RHBDD1: variants seen among roughly 807,000 people sequenced by gnomAD.
RHBDD1 encodes the protein rhomboid domain containing 1.
Under a neutral mutation model 36.3 loss-of-function variants are expected in RHBDD1, and 38 were observed. The ratio of observed to expected loss-of-function variants is 1.05; its 90% CI spans 0.81 to 1.37. The LOEUF (loss-of-function observed/expected upper bound fraction) is 1.37, where lower values mean the gene tolerates loss of function less well. Ranked by LOEUF, RHBDD1 falls within the 40% of genes most tolerant of loss-of-function variation. RHBDD1 has a pLI of 0.00. For missense variants in RHBDD1, 393 were observed against 377.6 expected, an observed-to-expected ratio of 1.04 and a Z score of -0.34; for synonymous variants, 151 against 136.5, an observed-to-expected ratio of 1.11 and a Z score of -0.74.
intron 3 of RHBDD1, among the ~76,000 whole-genome samples, chr2:226,861,022 T>C (rs1336678776): frequency 6.6e-6 from 1 of 152,170 alleles, no homozygotes; most frequent in Non-Finnish European, 1.5e-5. Flanking sequence ...TTGATACATG[T>C]TTATTAAATA....
intron 8 of RHBDD1, among the ~76,000 whole-genome samples, chr2:226,952,671 A>AAG (rs1951509532): frequency 6.6e-6 from 1 of 152,192 alleles, no homozygotes; most frequent in Non-Finnish European, 1.5e-5. Flanking sequence ...TAATTTTAAA[A>AAG]ATATATAGAA....
chr2:226,927,755 G>A (rs1463795039), intron 8 of RHBDD1, among the ~76,000 whole-genome samples: 2 of 151,902 alleles, frequency 1.3e-5, no homozygotes, highest in East Asian at 3.9e-4. Context: ...TATCTTCTTT[G>A]CTGAAGTTTC....
intron 5 of RHBDD1, among the ~76,000 whole-genome samples, chr2:226,884,951 A>T (rs1946087685): frequency 6.6e-6 from 1 of 152,200 alleles, no homozygotes; most frequent in Non-Finnish European, 1.5e-5. Flanking sequence ...AATGAGAAAA[A>T]AATGAATTAC....
rs1944163509 is a variant in RHBDD1 at position 226,864,619 on chromosome 2, T to TAA, written c.-74_-73insAA. On this transcript the variant is annotated 5_prime_UTR_variant, in exon 4 of 9. It introduces an in-frame stop codon into an upstream open reading frame of the 5' UTR. Coordinates refer to ENST00000392062, the MANE Select transcript of RHBDD1 (RefSeq NM_001167608.3). ...TGTGTTTTAGGTTCAGCCGTCTGTA[T>TAA]ATCTCCCCAGATACCTGAAACTGAC... 7 of 1,205,804 alleles carry TAA rather than the reference T, an allele frequency of 5.8e-6. No individual in the cohort carries two copies. Among genetic ancestry groups the TAA allele is most frequent in the Non-Finnish European group, 8.4e-6 (7 of 837,210 alleles). The allele number at this position is 1,205,804 out of a possible 1,614,324, so 74.7% of individuals were successfully genotyped here.
chr2:226,862,142 C>T (rs1341088658), intron 3 of RHBDD1, among the ~76,000 whole-genome samples: 2 of 152,082 alleles, frequency 1.3e-5, no homozygotes, highest in Non-Finnish European at 2.9e-5. Context: ...AGGATGTTAC[C>T]ATTTGCAAAG....
chr2:226,914,165 C>T, intron 7 of RHBDD1, 43 bp from the exon 8 acceptor site: 1 of 1,582,910 alleles, frequency 6.3e-7, no homozygotes, highest in East Asian at 2.2e-5. Context: ...TATAAAACAA[C>T]AGTCCATAGC....
chr2:226,811,394 C>T, the RHBDD1 span, among the ~76,000 whole-genome samples: 8 of 152,186 alleles, frequency 5.3e-5, no homozygotes, highest in African/African-American at 1.7e-4. Context: ...CTCCGCGTCC[C>T]GGGTCCAAGC....
In RHBDD1 at chr2:226,874,360, C is replaced by T. The variant is rs1945038993; in HGVS notation, c.566+7042C>T. ...GGTATTGGAGGCAGATAGTAGACAG[C>T]ATCTTTATTAGTTTCTTATTGTTGC... On this transcript the variant is annotated intron_variant, in intron 5 of 8. Transcript: ENST00000392062. 2.6e-5 allele frequency among the ~76,000 whole-genome samples: 4 copies of T among 152,288 alleles called. No individual in the cohort carries two copies. In the South Asian group the frequency reaches 8.3e-4, roughly 32 times the overall value.
chr2:226,885,640 T>G (rs1404311403), intron 5 of RHBDD1, among the ~76,000 whole-genome samples: 3 of 152,170 alleles, frequency 2.0e-5, no homozygotes, highest in East Asian at 1.9e-4. Context: ...CATCAAATAT[T>G]AATAGTAGTT....
intron 8 of RHBDD1, among the ~76,000 whole-genome samples, chr2:226,960,159 A>G (rs949845733): frequency 6.6e-6 from 1 of 152,180 alleles, no homozygotes; most frequent in East Asian, 1.9e-4. Context: ...GCTGTTTTCC[A>G]AAGTGCTGGT....
At chr2:226,868,456 T>C (rs1315873986) in intron 5 of RHBDD1, among the ~76,000 whole-genome samples, 1 of 152,232 alleles carries the variant, frequency 6.6e-6, no homozygotes, top group Non-Finnish European at 1.5e-5. Flanking sequence ...TAAGTTGTGT[T>C]ATTTTTTCCA....
the RHBDD1 span, among the ~76,000 whole-genome samples, chr2:226,810,372 T>C: frequency 5.9e-5 from 9 of 151,580 alleles, no homozygotes; most frequent in African/African-American, 1.7e-4. Flanking sequence ...AAATCCCGTC[T>C]CTACTAAAAA....
chr2:226,967,388 TTTATTA>T (rs1269517856), intron 8 of RHBDD1, among the ~76,000 whole-genome samples: 1 of 152,090 alleles, frequency 6.6e-6, no homozygotes, highest in Non-Finnish European at 1.5e-5. Flanking sequence ...TTTTCTTTAT[TTTATTA>T]TTATTATACT....
chr2:226,836,267 G>C (rs2124888755), intron 1 of RHBDD1, 180 bp downstream of exon 1: 1 of 152,622 alleles, frequency 6.6e-6, no homozygotes, highest in East Asian at 1.9e-4. Context: ...CTCCCCGTCC[G>C]GGGCAAGTCC....
intron 8 of RHBDD1, among the ~76,000 whole-genome samples, chr2:226,975,578 C>A (rs1996998): frequency 0.43 from 65,481 of 151,856 alleles, 14,199 homozygotes; most frequent in South Asian, 0.52. Context: ...ATGAAATGGG[C>A]AGTTTGGTAC....
At chr2:226,980,234 C>T (rs1955402724) in intron 8 of RHBDD1, among the ~76,000 whole-genome samples, 1 of 152,070 alleles carries the variant, frequency 6.6e-6, no homozygotes, top group African/African-American at 2.4e-5. Flanking sequence ...AGTAGCTTAT[C>T]CTAGGACACA....
intron 3 of RHBDD1, among the ~76,000 whole-genome samples, chr2:226,845,888 T>A (rs1415404123): frequency 1.3e-5 from 2 of 152,256 alleles, no homozygotes; most frequent in Non-Finnish European, 2.9e-5. Flanking sequence ...CATAGCCTTG[T>A]CTTTTGTTAT....
intron 5 of RHBDD1, among the ~76,000 whole-genome samples, chr2:226,878,604 G>C (rs1945438657): frequency 1.3e-5 from 2 of 152,174 alleles, no homozygotes; most frequent in African/African-American, 4.8e-5. Flanking sequence ...ACCATCAGTG[G>C]CATCAGAGCC....
Position 226,980,295 on chromosome 2 carries a change from C to T in RHBDD1, c.857-15136C>T, listed in dbSNP as rs59967272. Among the ~76,000 whole-genome samples, 501 of 152,242 alleles carry T rather than the reference C, an allele frequency of 3.3e-3. 28 individuals are homozygous for T. The East Asian group carries it at 0.087, about 26-fold the overall frequency. ...ACCTCAGCTCTTTCTGATTCAGAAC[C>T]CATGCCCTACTCTCGTTCCCCACCA... On this transcript the variant is annotated intron_variant, in intron 8 of 8. Transcript: ENST00000392062.
Sources: allele counts gnomAD v4.1 joint callset (sites outside exome capture counted in the v4.1 genomes callset), GRCh38; gene constraint gnomAD v4.1.1; transcripts MANE v1.5; gene names NCBI Gene and HGNC (gene_info 2026-07-23, HGNC 2026-07-21).